The following PTPRD variants were observed in gnomAD, a reference collection of about 807,000 sequenced individuals.
The protein encoded by PTPRD is protein tyrosine phosphatase receptor type D.
A neutral mutation model predicts 214.5 loss-of-function variants in PTPRD; 34 were observed. The ratio of observed to expected loss-of-function variants is 0.16; its 90% CI spans 0.12 to 0.21. The LOEUF is 0.21. Ranked by LOEUF, PTPRD falls within the 10% of genes least tolerant of loss-of-function variation. The probability of loss-of-function intolerance (pLI) is 1.00; values close to 1 mark genes in which losing one functional copy is unlikely to be tolerated. For synonymous variants in PTPRD, 1,128 were observed against 845.7 expected (o/e 1.33, Z -5.79); for missense variants, 2,545 against 2,398.7 (o/e 1.06, Z -1.27).
rs2097851473 is a variant in PTPRD at position 9,717,243 on chromosome 9, G to C, written c.-287+17290C>G. Among the ~76,000 whole-genome samples, 3 of 152,138 alleles carry C rather than the reference G, an allele frequency of 2.0e-5. 1 individual carries two copies. Among genetic ancestry groups the C allele is most frequent in the Admixed American group, 1.3e-4 (2 of 15,274 alleles). On this transcript the variant is annotated intron_variant, in intron 7 of 45. Coordinates refer to ENST00000381196, the MANE Select transcript of PTPRD (RefSeq NM_002839.4). ...TTTGGTACCAGTACCATGCTGTTTT[G>C]CTTACTATAGCCTTGTAGTATAGTT...
At chr9:10,369,162 G>A (rs1233273927) in intron 2 of PTPRD, among the ~76,000 whole-genome samples, 3 of 151,980 alleles carry the variant, frequency 2.0e-5, no homozygotes, top group Non-Finnish European at 4.4e-5. Context: ...TAAAACTTAT[G>A]CAAATTATTT....
chr9:9,800,036 A>G (rs902657204), intron 5 of PTPRD, among the ~76,000 whole-genome samples: 7 of 152,242 alleles, frequency 4.6e-5, no homozygotes, highest in Admixed American at 3.3e-4. Context: ...TCTTGTCAAA[A>G]GAAAAAATAA....
intron 9 of PTPRD, among the ~76,000 whole-genome samples, chr9:9,216,308 C>G (rs2099952187): frequency 6.6e-6 from 1 of 152,118 alleles, no homozygotes; most frequent in South Asian, 2.1e-4. Flanking sequence ...GTCACCAGCT[C>G]CCAAATCCTA....
At chr9:10,377,038 C>A (rs77777968) in intron 2 of PTPRD, among the ~76,000 whole-genome samples, 8,074 of 151,936 alleles carry the variant, frequency 0.053, 227 homozygotes, top group South Asian at 0.081. Flanking sequence ...ACCATCCCCC[C>A]CTTCCACCCA....
chr9:8,739,610 G>C (rs2091403292), intron 11 of PTPRD, among the ~76,000 whole-genome samples: 1 of 152,146 alleles, frequency 6.6e-6, no homozygotes. Context: ...AATGAGGTGA[G>C]AATTCTGAGT....
At chr9:9,811,931 A>G (rs1170010048) in intron 5 of PTPRD, among the ~76,000 whole-genome samples, 1 of 152,194 alleles carries the variant, frequency 6.6e-6, no homozygotes, top group South Asian at 2.1e-4. Flanking sequence ...CAGGACAGGA[A>G]GAGTCAATCA....
intron 5 of PTPRD, among the ~76,000 whole-genome samples, chr9:9,889,183 GAATT>G (rs1447086675): frequency 6.6e-6 from 1 of 151,892 alleles, no homozygotes; most frequent in Non-Finnish European, 1.5e-5. Context: ...GACAGGAGGA[GAATT>G]ATTTATTGTA....
intron 3 of PTPRD, among the ~76,000 whole-genome samples, chr9:10,088,854 T>G (rs758102676): frequency 2.0e-5 from 3 of 151,684 alleles, no homozygotes; most frequent in Non-Finnish European, 4.4e-5. Context: ...TGTTGGGTGA[T>G]GGAAAAATTC....
intron 3 of PTPRD, among the ~76,000 whole-genome samples, chr9:10,186,043 A>C (rs2099328754): frequency 1.3e-5 from 2 of 152,104 alleles, no homozygotes; most frequent in African/African-American, 2.4e-5. Context: ...TGTATACCAG[A>C]ACATGCACAG....
intron 10 of PTPRD, among the ~76,000 whole-genome samples, chr9:9,160,335 G>T (rs2099885568): frequency 6.6e-6 from 1 of 152,030 alleles, no homozygotes; most frequent in African/African-American, 2.4e-5. Flanking sequence ...CAACTCAATA[G>T]CAAGAAAACA....
At chr9:10,204,008 C>T (rs901555178) in intron 3 of PTPRD, among the ~76,000 whole-genome samples, 3 of 152,104 alleles carry the variant, frequency 2.0e-5, no homozygotes, top group Admixed American at 2.0e-4. Context: ...TTTTCCCTCC[C>T]CCACTCCCCA....
intron 3 of PTPRD, among the ~76,000 whole-genome samples, chr9:10,184,999 TA>T (rs1406241755): frequency 6.6e-6 from 1 of 152,082 alleles, no homozygotes; most frequent in Non-Finnish European, 1.5e-5. Context: ...ACCTTTTGTG[TA>T]AAAAATCAGA....
At chr9:8,835,125 C>A (rs576289157) in intron 11 of PTPRD, among the ~76,000 whole-genome samples, 1 of 152,306 alleles carries the variant, frequency 6.6e-6, no homozygotes, top group South Asian at 2.1e-4. Flanking sequence ...ATCAGAGAGT[C>A]AGCAAAGCAA....
chr9:9,872,460 G>T (rs2065729891), intron 5 of PTPRD, among the ~76,000 whole-genome samples: 1 of 152,022 alleles, frequency 6.6e-6, no homozygotes, highest in Admixed American at 6.6e-5. Flanking sequence ...AATTAGCTGG[G>T]CATGGGGGCA....
intron 10 of PTPRD, among the ~76,000 whole-genome samples, chr9:9,057,972 C>A (rs1249042587): frequency 6.6e-6 from 1 of 151,994 alleles, no homozygotes; most frequent in Non-Finnish European, 1.5e-5. Flanking sequence ...CTATTCACAC[C>A]TTCTTTTGTT....
At chr9:8,449,549 A>C (rs1178007834) in intron 34 of PTPRD, among the ~76,000 whole-genome samples, 176 bp downstream of exon 34, 15 of 152,242 alleles carry the variant, frequency 9.9e-5, no homozygotes. Context: ...GGTTTGCAGA[A>C]AGAACTTAAT....
chr9:8,373,333 C>A (rs576040259), intron 39 of PTPRD, among the ~76,000 whole-genome samples: 108 of 152,084 alleles, frequency 7.1e-4, no homozygotes, highest in African/African-American at 2.5e-3. Flanking sequence ...AAACTTCTTA[C>A]CAGACATGTA....
At chr9:9,591,949 C>A (rs2092773660) in intron 7 of PTPRD, among the ~76,000 whole-genome samples, 1 of 152,036 alleles carries the variant, frequency 6.6e-6, no homozygotes, top group African/African-American at 2.4e-5. Context: ...AATCACCGGT[C>A]TCTCTCCATT....
At chr9:9,192,894 T>C (rs1424172441) in intron 9 of PTPRD, among the ~76,000 whole-genome samples, 2 of 152,106 alleles carry the variant, frequency 1.3e-5, no homozygotes, top group African/African-American at 4.8e-5. Flanking sequence ...AAAATCGCAA[T>C]CATTTCTCTG....
Sources: gnomAD v4.1 joint callset for allele counts (sites outside exome capture counted in the v4.1 genomes callset) on GRCh38, gnomAD v4.1.1 for gene constraint, MANE v1.5 for transcripts, NCBI Gene and HGNC (gene_info 2026-07-23, HGNC 2026-07-21) for gene names.